The following NEK10 variants were observed in gnomAD, a reference collection of about 807,000 sequenced individuals.
The protein encoded by NEK10 is serine/threonine-protein kinase Nek10.
In NEK10, 122 loss-of-function variants were observed where a neutral mutation model predicts 159.8. The ratio of observed to expected loss-of-function variants is 0.76; its 90% CI spans 0.66 to 0.89. The LOEUF is 0.89. NEK10 is among the 40% of genes least tolerant of loss of function. NEK10 has a pLI of 0.00. For missense variants in NEK10, 1,342 were observed against 1,323.1 expected (o/e 1.01, Z -0.22); for synonymous variants, 466 against 457.1 (o/e 1.02, Z -0.25).
chr3:27,267,807 C>T (rs2041028693), intron 22 of NEK10, among the ~76,000 whole-genome samples: 1 of 152,132 alleles, frequency 6.6e-6, no homozygotes, highest in East Asian at 1.9e-4. Flanking sequence ...ACATCTCTGA[C>T]TTTTGATCAA....
chr3:27,151,346 C>T (rs190336517), intron 30 of NEK10, among the ~76,000 whole-genome samples: 243 of 152,188 alleles, frequency 1.6e-3, no homozygotes, highest in Non-Finnish European at 2.8e-3. Context: ...TGCAGAAAAC[C>T]CTCAGTACCA....
At chr3:27,250,102 A>G (rs1955496779) in intron 23 of NEK10, among the ~76,000 whole-genome samples, 1 of 151,900 alleles carries the variant, frequency 6.6e-6, no homozygotes, top group Non-Finnish European at 1.5e-5. Flanking sequence ...ATTTTTATTG[A>G]TTCACATTTT....
In NEK10 at chr3:27,176,251, T is replaced by G. The variant is rs560111471; in HGVS notation, c.2506-1418A>C. Reference sequence around the variant, plus strand: ...ATTCTTCAAAGTTTCACCAAGCTCCTTGTTTTGTTGAAGTTAATTTGCAGG... The same window carrying G: ...ATTCTTCAAAGTTTCACCAAGCTCCGTGTTTTGTTGAAGTTAATTTGCAGG... On this transcript the variant is annotated intron_variant, in intron 26 of 35. Coordinates refer to ENST00000691995, the MANE Select transcript of NEK10 (RefSeq NM_001394966.1). Among the ~76,000 whole-genome samples the G allele has an allele frequency of 5.9e-5, 9 of 152,366 alleles. No individual in the cohort carries two copies. In the East Asian group the frequency reaches 1.7e-3, roughly 29 times the overall value.
chr3:27,159,608 C>G (rs1325136247), intron 30 of NEK10, among the ~76,000 whole-genome samples: 1 of 151,594 alleles, frequency 6.6e-6, no homozygotes, highest in African/African-American at 2.4e-5. Flanking sequence ...ATATGAATTC[C>G]TAAGTTTTCT....
At chr3:27,173,984 T>TA (rs961533954) in intron 28 of NEK10, among the ~76,000 whole-genome samples, 2 of 152,162 alleles carry the variant, frequency 1.3e-5, no homozygotes, top group African/African-American at 2.4e-5. Context: ...TTAATAACTC[T>TA]AAAAAAATTT....
At chr3:27,227,001 C>T (rs770568223) in intron 23 of NEK10, among the ~76,000 whole-genome samples, 1 of 152,090 alleles carries the variant, frequency 6.6e-6, no homozygotes, top group Non-Finnish European at 1.5e-5. Context: ...CCAAATCAGC[C>T]CACCCCTAAA....
chr3:27,171,792 A>G (rs1947009439), intron 29 of NEK10, 27 bp downstream of exon 29: 1 of 1,610,924 alleles, frequency 6.2e-7, no homozygotes, highest in Non-Finnish European at 8.5e-7. Context: ...ATCAAAAAAT[A>G]TTTCTAGGAG....
rs544669139 is a variant in NEK10 at position 27,202,345 on chromosome 3, A to G, written c.2220+83T>C. On this transcript the variant is annotated intron_variant, in intron 24 of 35. Transcript: ENST00000691995. ...TCTTGCTTTTAATGGGCAGTTATAT[A>G]CAAATCACAAAGATCTGTTTAATAA... 1.3e-5 allele frequency: 18 copies of G among 1,379,264 alleles called. No homozygotes were observed. In the South Asian group the frequency reaches 2.1e-4, roughly 16 times the overall value. The allele number at this position is 1,379,264 out of a possible 1,614,324, so 85.4% of individuals were successfully genotyped here.
At chr3:27,330,087 T>A (rs1329121819) in intron 5 of NEK10, among the ~76,000 whole-genome samples, 1 of 152,340 alleles carries the variant, frequency 6.6e-6, no homozygotes, top group Admixed American at 6.5e-5. Flanking sequence ...GAATATTTTT[T>A]AATCTGCAGT....
intron 26 of NEK10, among the ~76,000 whole-genome samples, chr3:27,190,073 T>G (rs145472238): frequency 1.2e-3 from 176 of 152,286 alleles, no homozygotes; most frequent in Middle Eastern, 3.4e-3. Context: ...ATATGACTGA[T>G]GCTATCTTAC....
chr3:27,218,356 C>T (rs1951740565), intron 23 of NEK10, among the ~76,000 whole-genome samples: 1 of 152,008 alleles, frequency 6.6e-6, no homozygotes, highest in African/African-American at 2.4e-5. Flanking sequence ...CCTGTAATCC[C>T]AGCACTTTGG....
intron 28 of NEK10, 152 bp from the exon 29 acceptor site, chr3:27,172,025 T>C (rs1947036783): frequency 1.1e-6 from 1 of 877,912 alleles, no homozygotes; most frequent in Non-Finnish European, 1.7e-6. Flanking sequence ...TAAATTAGTG[T>C]AGCCATTATG....
intron 32 of NEK10, among the ~76,000 whole-genome samples, chr3:27,128,052 GGACA>G (rs1942173339): frequency 2.0e-5 from 3 of 152,098 alleles, no homozygotes; most frequent in Non-Finnish European, 2.9e-5. Context: ...TCCAGAGCAG[GGACA>G]GACAAACTTT....
chr3:27,338,556 T>G (rs1449330441), intron 5 of NEK10, among the ~76,000 whole-genome samples: 1 of 152,220 alleles, frequency 6.6e-6, no homozygotes. Context: ...CCACCAACAG[T>G]GTAAAAGTGT....
intron 22 of NEK10, among the ~76,000 whole-genome samples, chr3:27,261,725 G>A (rs1316102307): frequency 6.6e-6 from 1 of 152,188 alleles, no homozygotes; most frequent in Non-Finnish European, 1.5e-5. Flanking sequence ...GAGTTCTGTA[G>A]ATGTCTATTA....
chr3:27,253,835 C>T (rs930451018), intron 23 of NEK10, among the ~76,000 whole-genome samples: 1 of 152,088 alleles, frequency 6.6e-6, no homozygotes. Flanking sequence ...TATAGAATTA[C>T]AAAAAAATTC....
At chr3:27,366,807 A>ATTTTTT (rs3060370) in intron 1 of NEK10, among the ~76,000 whole-genome samples, 9 of 109,534 alleles carry the variant, frequency 8.2e-5, no homozygotes, top group African/African-American at 2.1e-4. Context: ...CAGTGTGTTC[A>ATTTTTT]TTTTTTTTTT....
At chr3:27,273,874 C>T (rs539587870) in intron 22 of NEK10, among the ~76,000 whole-genome samples, 20 of 152,236 alleles carry the variant, frequency 1.3e-4, no homozygotes, top group Admixed American at 5.2e-4. Flanking sequence ...CAGTGAGGGA[C>T]GGGAAGGAGT....
At chr3:27,260,126 C>T (rs950890221) in intron 22 of NEK10, among the ~76,000 whole-genome samples, 53 of 152,034 alleles carry the variant, frequency 3.5e-4, no homozygotes, top group Admixed American at 4.6e-4. Flanking sequence ...TGGGCTGAGA[C>T]GATGGGGTTT....
Sources: allele counts gnomAD v4.1 joint callset (sites outside exome capture counted in the v4.1 genomes callset), GRCh38; gene constraint gnomAD v4.1.1; transcripts MANE v1.5; gene names NCBI Gene and HGNC (gene_info 2026-07-23, HGNC 2026-07-21).